The following SLC5A3 variants were observed in gnomAD, a reference collection of about 807,000 sequenced individuals.
SLC5A3 encodes the protein solute carrier family 5 member 3.
In SLC5A3, 10 loss-of-function variants were observed where a neutral mutation model predicts 43.2. The ratio of observed to expected loss-of-function variants is 0.23; its 90% CI spans 0.14 to 0.39. SLC5A3 has a LOEUF of 0.39. SLC5A3 is among the 10% of genes least tolerant of loss of function. The pLI, the probability that SLC5A3 is intolerant of heterozygous loss-of-function variation, is 1.00. For missense variants in SLC5A3, 608 were observed against 893.4 expected, an observed-to-expected ratio of 0.68 and a Z score of 4.07; for synonymous variants, 349 against 322.0, an observed-to-expected ratio of 1.08 and a Z score of -0.90.
chr21:34,079,954 T>C (rs1445407286), intron 1 of SLC5A3, among the ~76,000 whole-genome samples: 4 of 152,190 alleles, frequency 2.6e-5, no homozygotes, highest in African/African-American at 9.7e-5. Flanking sequence ...CTCTGTCTTC[T>C]GTCATCTGGG....
chr21:34,086,597 A>G (rs1978395917), intron 1 of SLC5A3, among the ~76,000 whole-genome samples: 1 of 152,034 alleles, frequency 6.6e-6, no homozygotes, highest in South Asian at 2.1e-4. Context: ...TCTTTATTTC[A>G]GAAAGGATGT....
At chr21:34,085,628 T>C (rs911844916) in intron 1 of SLC5A3, among the ~76,000 whole-genome samples, 2 of 143,388 alleles carry the variant, frequency 1.4e-5, no homozygotes, top group African/African-American at 5.3e-5. Context: ...TGAGACTGAG[T>C]CTCGCTCTTT....
chr21:34,098,888 CCTT>C lies in SLC5A3; in HGVS notation c.*1537_*1539del, dbSNP rs914118988. Reference sequence around the variant, plus strand: ...CAAATTATGTATGTACTTTCTTTGACCTTCTTTAATCTCTGATACTTTTTAGAT... The same window carrying C: ...CAAATTATGTATGTACTTTCTTTGACCTTTAATCTCTGATACTTTTTAGAT... On this transcript the variant is annotated 3_prime_UTR_variant, in exon 2 of 2. Coordinates refer to ENST00000381151, the MANE Select transcript of SLC5A3 (RefSeq NM_006933.7). 4 of 998,772 alleles carry C rather than the reference CCTT, an allele frequency of 4.0e-6. No homozygotes were observed. Among genetic ancestry groups the C allele is most frequent in the East Asian group, 2.3e-4 (2 of 8,824 alleles). The allele number at this position is 998,772 out of a possible 1,614,324, so 61.9% of individuals were successfully genotyped here. A position where few individuals can be genotyped will look rare whatever the true frequency, so the allele number is the denominator to read the frequency against.
At position 34,100,521 on chromosome 21, in the gene SLC5A3, T is replaced by A; in HGVS notation, c.*3166T>A. ...TTCAATAGATCTCATCTCCTAGGGC[T>A]TCCTTTTCACTTGGCTCAAAGGATC... On this transcript the variant is annotated 3_prime_UTR_variant, in exon 2 of 2. Coordinates refer to ENST00000381151, the MANE Select transcript of SLC5A3 (RefSeq NM_006933.7). The A allele has an allele frequency of 1.0e-6, 1 of 1,000,264 alleles. No individual in the cohort carries two copies. Among genetic ancestry groups the A allele is most frequent in the Non-Finnish European group, 1.2e-6 (1 of 829,972 alleles). The allele number at this position is 1,000,264 out of a possible 1,614,324, so 62.0% of individuals were successfully genotyped here.
Position 34,096,194 on chromosome 21 carries a change from C to A in SLC5A3, c.996C>A (p.Asn332Lys). ...TTACTGATGATATAGCTTGCATCAA[C>A]CCAGAGCACTGCATGCTGGTGTGTG... ...ILFTDDIACI[N>K]PEHCMLVCGS... is the part of the protein sequence containing the mutation. Residue 332 changes from asparagine (N) to lysine (K), a missense_variant, in exon 2 of 2, where the codon AAC (asparagine) becomes AAA (lysine). Asn to Lys is a moderately conservative substitution (Grantham distance 94). This residue lies in a region of SLC5A3 where 398 missense variants were observed against 668.6 expected (regional missense o/e 0.60). Transcript: ENST00000381151. This position sits in a 1 kb window ranked among gnomAD's most constrained non-coding sequence, Gnocchi z 5.9. 2.5e-6 allele frequency: 4 copies of A among 1,614,180 alleles called. No individual in the cohort carries two copies. Among genetic ancestry groups the A allele is most frequent in the Non-Finnish European group, 3.4e-6 (4 of 1,180,008 alleles).
rs1289513675 is a variant in SLC5A3 at position 34,073,693 on chromosome 21, C to G, written c.-389C>G. On this transcript the variant is annotated 5_prime_UTR_variant, in exon 1 of 2. Coordinates refer to ENST00000381151, the MANE Select transcript of SLC5A3 (RefSeq NM_006933.7). ...GGCTTCCGAGCCGCACTCGCCGATCCTCCAGGCATGCCCCGCTACGAGCTG... is the reference window on the plus strand; with the variant it reads ...GGCTTCCGAGCCGCACTCGCCGATCGTCCAGGCATGCCCCGCTACGAGCTG... 1 of 1,521,102 alleles carries G rather than the reference C, an allele frequency of 6.6e-7. No individual in the cohort carries two copies. The highest frequency in any genetic ancestry group is 1.8e-5 in the Admixed American group (1 of 54,206). 94.2% of individuals were successfully genotyped at this position (1,521,102 alleles called of 1,614,324 possible). A position where few individuals can be genotyped will look rare whatever the true frequency, so the allele number is the denominator to read the frequency against.
intron 1 of SLC5A3, among the ~76,000 whole-genome samples, chr21:34,088,025 G>T (rs1978484784): frequency 6.6e-6 from 1 of 152,110 alleles, no homozygotes; most frequent in South Asian, 2.1e-4. Context: ...CACATTTTTT[G>T]GGCAAGAGCA....
Position 34,103,419 on chromosome 21 carries a change from G to T in SLC5A3, c.*6064G>T. On this transcript the variant is annotated 3_prime_UTR_variant, in exon 2 of 2. Transcript: ENST00000381151. The stretch of plus-strand genomic sequence containing the variant: ...TCTGTATTTGTGTTGTAGCCTAAAT[G>T]TTGTTTCTTTTATATCCATTAAAAA... 1.0e-6 allele frequency: 1 copy of T among 997,112 alleles called. No individual in the cohort carries two copies. The highest frequency in any genetic ancestry group is 1.2e-6 in the Non-Finnish European group (1 of 827,910). 61.8% of individuals were successfully genotyped at this position (997,112 alleles called of 1,614,324 possible). A position where few individuals can be genotyped will look rare whatever the true frequency, so the allele number is the denominator to read the frequency against.
intron 1 of SLC5A3, among the ~76,000 whole-genome samples, chr21:34,093,696 G>A (rs148635245): frequency 2.0e-5 from 3 of 152,270 alleles, no homozygotes; most frequent in East Asian, 1.9e-4. Context: ...ATTGTTGTTC[G>A]TATTGATCTG....
Position 34,100,429 on chromosome 21 carries a change from T to C in SLC5A3, c.*3074T>C. 1 of 1,000,242 alleles carries C rather than the reference T, an allele frequency of 1.0e-6. No homozygotes were observed. The highest frequency in any genetic ancestry group is 1.7e-5 in the African/African-American group (1 of 57,356). The allele number at this position is 1,000,242 out of a possible 1,614,324, so 62.0% of individuals were successfully genotyped here. On this transcript the variant is annotated 3_prime_UTR_variant, in exon 2 of 2. Coordinates refer to ENST00000381151, the MANE Select transcript of SLC5A3 (RefSeq NM_006933.7). ...CCCAGCTATTCTTTCCTGGGGGTAA[T>C]TATGCTTTGTCTTTAGATTAGAGAA... is the stretch of plus-strand genomic sequence containing the variant.
At chr21:34,073,962 G>T (rs1411964031) in intron 1 of SLC5A3, among the ~76,000 whole-genome samples, 15 of 146,132 alleles carry the variant, frequency 1.0e-4, no homozygotes, top group East Asian at 4.0e-4. Flanking sequence ...GGGTGTGCCT[G>T]CGCGTGTGCG....
chr21:34,105,917 A>C lies in SLC5A3; in HGVS notation c.*8562A>C, dbSNP rs1391898977. 13 of 988,112 alleles carry C rather than the reference A, an allele frequency of 1.3e-5. No individual in the cohort carries two copies. The highest frequency in any genetic ancestry group is 1.6e-5 in the Non-Finnish European group (13 of 819,068). The allele number at this position is 988,112 out of a possible 1,614,324, so 61.2% of individuals were successfully genotyped here. A position where few individuals can be genotyped will look rare whatever the true frequency, so the allele number is the denominator to read the frequency against. ...ATGACAATTCTAACTTGTCTATTCT[A>C]ACCTATTGTGTACAATCTGATTTTT... On this transcript the variant is annotated 3_prime_UTR_variant, in exon 2 of 2. Coordinates refer to ENST00000381151, the MANE Select transcript of SLC5A3 (RefSeq NM_006933.7).
At chr21:34,088,417 A>G (rs1978509242) in intron 1 of SLC5A3, among the ~76,000 whole-genome samples, 1 of 152,072 alleles carries the variant, frequency 6.6e-6, no homozygotes, top group Non-Finnish European at 1.5e-5. Context: ...TTTTACTTTT[A>G]ATCTCTGCAT....
At chr21:34,092,740 CT>C (rs1437852278) in intron 1 of SLC5A3, among the ~76,000 whole-genome samples, 1 of 152,210 alleles carries the variant, frequency 6.6e-6, no homozygotes, top group African/African-American at 2.4e-5. Flanking sequence ...GCAGCAGCTA[CT>C]ATGACACATA....
At chr21:34,091,407 A>G (rs1203122974) in intron 1 of SLC5A3, among the ~76,000 whole-genome samples, 3 of 152,030 alleles carry the variant, frequency 2.0e-5, no homozygotes, top group African/African-American at 7.2e-5. Flanking sequence ...CTGTTTACAT[A>G]TAGTTCCAGA....
At chr21:34,089,746 T>C (rs1419999340) in intron 1 of SLC5A3, among the ~76,000 whole-genome samples, 1 of 152,202 alleles carries the variant, frequency 6.6e-6, no homozygotes, top group Admixed American at 6.5e-5. Flanking sequence ...CTCCCTACTC[T>C]GCCTCAACTT....
chr21:34,103,401 T>G lies in SLC5A3; in HGVS notation c.*6046T>G. 1.0e-6 allele frequency: 1 copy of G among 997,906 alleles called. No homozygotes were observed. Among genetic ancestry groups the G allele is most frequent in the Non-Finnish European group, 1.2e-6 (1 of 827,890 alleles). 61.8% of individuals were successfully genotyped at this position (997,906 alleles called of 1,614,324 possible). On this transcript the variant is annotated 3_prime_UTR_variant, in exon 2 of 2. Coordinates refer to ENST00000381151, the MANE Select transcript of SLC5A3 (RefSeq NM_006933.7). ...TCAGTGAAACCAGGTAGTTCTGTAT[T>G]TGTGTTGTAGCCTAAATGTTGTTTC... is the stretch of plus-strand genomic sequence containing the variant.
At position 34,106,040 on chromosome 21, in the gene SLC5A3, T is replaced by C. The variant is rs187179189; in HGVS notation, c.*8685T>C. 5.0e-6 allele frequency: 5 copies of C among 995,846 alleles called. No individual in the cohort carries two copies. In the East Asian group the frequency reaches 4.5e-4, roughly 91 times the overall value. The allele number at this position is 995,846 out of a possible 1,614,324, so 61.7% of individuals were successfully genotyped here. A position where few individuals can be genotyped will look rare whatever the true frequency, so the allele number is the denominator to read the frequency against. On this transcript the variant is annotated 3_prime_UTR_variant, in exon 2 of 2. Coordinates refer to ENST00000381151, the MANE Select transcript of SLC5A3 (RefSeq NM_006933.7). ...CATATCTGCTAAAGAGCTGTCAGTT[T>C]TCATTACTGACTCTGTAAAATACAC... is the stretch of plus-strand genomic sequence containing the variant.
chr21:34,096,888 C>T lies in SLC5A3; in HGVS notation c.1690C>T (p.Pro564Ser). Reference protein sequence around the residue: ...VKENCSPKEEPYKMQEKSILR... With the variant: ...VKENCSPKEESYKMQEKSILR... The stretch of plus-strand genomic sequence containing the variant: ...GGAGAACTGCTCCCCAAAAGAGGAA[C>T]CATACAAAATGCAAGAAAAGAGCAT... The change falls in exon 2 of 2, where the codon CCA becomes TCA. Residue 564 changes from proline to serine, a missense_variant. Physicochemically the swap from Pro to Ser is moderately conservative, Grantham distance 74. This residue lies in a region of SLC5A3 where 210 missense variants were observed against 224.8 expected (regional missense o/e 0.93). Transcript: ENST00000381151. The surrounding 1 kb of genome is among the most constrained non-coding windows in gnomAD (Gnocchi z 5.9). 1.9e-6 allele frequency: 3 copies of T among 1,614,050 alleles called. No individual in the cohort carries two copies. Among genetic ancestry groups the T allele is most frequent in the Non-Finnish European group, 2.5e-6 (3 of 1,179,974 alleles).
Sources: gnomAD v4.1 joint callset for allele counts (sites outside exome capture counted in the v4.1 genomes callset) on GRCh38, gnomAD v4.1.1 for gene constraint, gnomAD v4.1.1 regional missense constraint, Gnocchi (gnomAD v3.1) non-coding constraint, MANE v1.5 for transcripts, NCBI Gene and HGNC (gene_info 2026-07-23, HGNC 2026-07-21) for gene names.